KCNIP4: variants seen among roughly 807,000 people sequenced by gnomAD.
KCNIP4 encodes Kv channel-interacting protein 4.
A neutral mutation model predicts 34.0 loss-of-function variants in KCNIP4; 12 were observed. That is an observed-to-expected ratio of 0.35 (90% CI 0.23 to 0.57). KCNIP4 has a LOEUF of 0.57. Ranked by LOEUF, KCNIP4 falls within the 20% of genes least tolerant of loss-of-function variation. KCNIP4 has a pLI of 0.83. For missense variants in KCNIP4, 238 were observed against 311.7 expected, an observed-to-expected ratio of 0.76 and a Z score of 1.78; for synonymous variants, 124 against 102.2, an observed-to-expected ratio of 1.21 and a Z score of -1.29.
intron 1 of KCNIP4, among the ~76,000 whole-genome samples, chr4:21,152,107 G>A (rs1001098033): frequency 1.3e-5 from 2 of 152,052 alleles, no homozygotes; most frequent in African/African-American, 4.8e-5. Context: ...ACAAAAATTA[G>A]CCAGGCATGG....
intron 1 of KCNIP4, among the ~76,000 whole-genome samples, chr4:21,027,793 GTTCTC>G (rs1297235216): frequency 1.3e-5 from 2 of 151,934 alleles, no homozygotes; most frequent in Non-Finnish European, 2.9e-5. Flanking sequence ...TCAGGGCTCA[GTTCTC>G]TTCTCTTATT....
intron 1 of KCNIP4, among the ~76,000 whole-genome samples, chr4:21,148,311 G>A: frequency 6.6e-6 from 1 of 152,132 alleles, no homozygotes; most frequent in Non-Finnish European, 1.5e-5. Flanking sequence ...AGAGGATGCT[G>A]GAGTCAGCAA....
chr4:21,273,333 G>A (rs183815351), intron 1 of KCNIP4, among the ~76,000 whole-genome samples: 22 of 152,154 alleles, frequency 1.4e-4, no homozygotes, highest in African/African-American at 3.4e-4. Flanking sequence ...CAGTATGTTC[G>A]GAGGAGGCAA....
At chr4:21,419,083 T>A (rs1725221946) in intron 1 of KCNIP4, among the ~76,000 whole-genome samples, 1 of 152,192 alleles carries the variant, frequency 6.6e-6, no homozygotes, top group African/African-American at 2.4e-5. Context: ...GCACTATGCA[T>A]GGAATACGAA....
chr4:21,047,174 C>T (rs1742502593), intron 1 of KCNIP4, among the ~76,000 whole-genome samples: 1 of 152,196 alleles, frequency 6.6e-6, no homozygotes, highest in Admixed American at 6.5e-5. Context: ...TTATTTGGCA[C>T]ATTGTGGCAT....
At chr4:20,897,762 C>T (rs925563923) in intron 1 of KCNIP4, among the ~76,000 whole-genome samples, 10 of 152,140 alleles carry the variant, frequency 6.6e-5, no homozygotes, top group Admixed American at 3.9e-4. Flanking sequence ...GAAGGAAAGA[C>T]GCCTGCTGGC....
chr4:21,334,740 A>G (rs1368059902), intron 1 of KCNIP4, among the ~76,000 whole-genome samples: 1 of 151,954 alleles, frequency 6.6e-6, no homozygotes, highest in Non-Finnish European at 1.5e-5. Context: ...TCTTCTGGAT[A>G]TTTTATATAA....
chr4:21,299,117 A>G (rs1165135253), intron 1 of KCNIP4, among the ~76,000 whole-genome samples: 1 of 152,176 alleles, frequency 6.6e-6, no homozygotes, highest in Non-Finnish European at 1.5e-5. Context: ...AAGATTAAAT[A>G]AGATATAGCC....
chr4:20,909,672 C>G (rs1577351707), intron 1 of KCNIP4, among the ~76,000 whole-genome samples: 1 of 152,280 alleles, frequency 6.6e-6, no homozygotes, highest in East Asian at 1.9e-4. Context: ...CCTGCCTGCA[C>G]TATAAAGATT....
chr4:21,669,592 A>G (rs1749309708), intron 1 of KCNIP4, among the ~76,000 whole-genome samples: 1 of 151,916 alleles, frequency 6.6e-6, no homozygotes, highest in East Asian at 2.0e-4. Context: ...CTGTGCTGAG[A>G]TGGGCACTCC....
At chr4:20,959,025 T>C (rs909682289) in intron 1 of KCNIP4, among the ~76,000 whole-genome samples, 2 of 152,202 alleles carry the variant, frequency 1.3e-5, no homozygotes, top group Admixed American at 6.5e-5. Flanking sequence ...TATACAAATC[T>C]CTAAATTATT....
intron 1 of KCNIP4, among the ~76,000 whole-genome samples, chr4:21,689,560 T>C (rs1751090192): frequency 6.6e-6 from 1 of 152,140 alleles, no homozygotes; most frequent in Non-Finnish European, 1.5e-5. Flanking sequence ...AGAATAGCTC[T>C]CCTGGAACAC....
At chr4:20,984,793 C>T (rs533511865) in intron 1 of KCNIP4, among the ~76,000 whole-genome samples, 229 of 152,286 alleles carry the variant, frequency 1.5e-3, no homozygotes, top group African/African-American at 5.2e-3. Flanking sequence ...GTACCACCAT[C>T]GTCCTTTAAA....
At chr4:20,759,643 T>TA (rs5856577) in intron 3 of KCNIP4, among the ~76,000 whole-genome samples, 75,999 of 151,422 alleles carry the variant, frequency 0.5, 19,372 homozygotes, top group Middle Eastern at 0.58. Flanking sequence ...TTTTTGCTAA[T>TA]AAAAAAAAGA....
intron 1 of KCNIP4, among the ~76,000 whole-genome samples, chr4:21,264,015 G>C (rs917655739): frequency 3.3e-5 from 5 of 151,800 alleles, no homozygotes; most frequent in African/African-American, 1.2e-4. Flanking sequence ...GGTAGACATT[G>C]GCTATATAGC....
intron 1 of KCNIP4, among the ~76,000 whole-genome samples, chr4:21,198,073 TA>T (rs1277334631): frequency 6.6e-6 from 1 of 152,210 alleles, no homozygotes; most frequent in Non-Finnish European, 1.5e-5. Context: ...ACACATACGC[TA>T]TACATATGAG....
chr4:21,177,285 T>G (rs919246706), intron 1 of KCNIP4, among the ~76,000 whole-genome samples: 2 of 152,186 alleles, frequency 1.3e-5, no homozygotes, highest in African/African-American at 4.8e-5. Context: ...GAAGAAGAAT[T>G]GCTGATTTAG....
intron 1 of KCNIP4, among the ~76,000 whole-genome samples, chr4:21,896,272 C>T (rs999952414): frequency 6.6e-6 from 1 of 152,122 alleles, no homozygotes; most frequent in Non-Finnish European, 1.5e-5. Context: ...ACATTGAACC[C>T]TATTAATAAA....
At chr4:21,889,850 T>TAGTTGTATGTACTCA (rs1726990285) in intron 1 of KCNIP4, among the ~76,000 whole-genome samples, 1 of 152,172 alleles carries the variant, frequency 6.6e-6, no homozygotes, top group Non-Finnish European at 1.5e-5. Flanking sequence ...TACTCAGTAA[T>TAGTTGTATGTACTCA]GCCATAGACC....
Sources: gnomAD v4.1 joint callset for allele counts (sites outside exome capture counted in the v4.1 genomes callset) on GRCh38, gnomAD v4.1.1 for gene constraint, MANE v1.5 for transcripts, NCBI Gene and HGNC (gene_info 2026-07-23, HGNC 2026-07-21) for gene names.